ZBBX: variants seen among roughly 807,000 people sequenced by gnomAD.
ZBBX encodes zinc finger B-box domain containing.
A neutral mutation model predicts 108.5 loss-of-function variants in ZBBX; 101 were observed. The observed-to-expected ratio is 0.93, with a 90% CI of 0.79 to 1.10. The LOEUF (loss-of-function observed/expected upper bound fraction) is 1.10. Among genes scored for constraint, ZBBX ranks in the 50% least tolerant of loss-of-function variants. The pLI is 0.00. For synonymous variants in ZBBX, 356 were observed against 323.4 expected (o/e 1.10, Z -1.08); for missense variants, 1,009 against 941.4 (o/e 1.07, Z -0.94).
chr3:167,273,244 C>T (rs1726863046), intron 20 of ZBBX, among the ~76,000 whole-genome samples: 1 of 152,102 alleles, frequency 6.6e-6, no homozygotes. Context: ...GATGTAAACG[C>T]CTGGTTGGAA....
intron 16 of ZBBX, among the ~76,000 whole-genome samples, chr3:167,308,513 G>A (rs1734052859): frequency 6.6e-6 from 1 of 152,170 alleles, no homozygotes; most frequent in African/African-American, 2.4e-5. Flanking sequence ...GTATATGTAT[G>A]CTCAATGCAG....
At chr3:167,397,442 A>G (rs1748281797) in intron 1 of ZBBX, among the ~76,000 whole-genome samples, 1 of 151,826 alleles carries the variant, frequency 6.6e-6, no homozygotes, top group African/African-American at 2.4e-5. Flanking sequence ...TTTCTTTTTC[A>G]TGTCATGAAA....
the ZBBX span, among the ~76,000 whole-genome samples, chr3:167,218,226 A>C: frequency 1.3e-5 from 2 of 152,176 alleles, no homozygotes; most frequent in African/African-American, 2.4e-5. Context: ...TATCTATGTA[A>C]CAAACCTTCA....
chr3:167,213,368 G>A, the ZBBX span, among the ~76,000 whole-genome samples: 1 of 152,054 alleles, frequency 6.6e-6, no homozygotes, highest in African/African-American at 2.4e-5. Flanking sequence ...TGATAGAGAT[G>A]AATAACACAA....
At chr3:167,233,193 C>T in the ZBBX span, among the ~76,000 whole-genome samples, 1 of 151,822 alleles carries the variant, frequency 6.6e-6, no homozygotes. Flanking sequence ...CCATCCTTCT[C>T]TCTTCCCCTT....
chr3:167,357,025 A>C (rs1012690399), intron 8 of ZBBX, among the ~76,000 whole-genome samples: 3 of 152,184 alleles, frequency 2.0e-5, no homozygotes, highest in African/African-American at 4.8e-5. Context: ...TTAGACATCC[A>C]ATAAAGGTGT....
At chr3:167,330,953 C>CTCTCTCTT (rs1738483256) in intron 10 of ZBBX, among the ~76,000 whole-genome samples, 2 of 141,922 alleles carry the variant, frequency 1.4e-5, no homozygotes, top group Admixed American at 7.2e-5. Context: ...CTTTCTCTCT[C>CTCTCTCTT]TCTCTCTCTC....
At chr3:167,399,355 T>C (rs13079876) in intron 1 of ZBBX, 75,147 of 152,006 alleles carry the variant, frequency 0.49, 20,050 homozygotes, top group African/African-American at 0.71. Context: ...AATCCCAGTA[T>C]ATCTACAACT....
chr3:167,187,873 C>T, the ZBBX span, among the ~76,000 whole-genome samples: 12 of 152,246 alleles, frequency 7.9e-5, no homozygotes, highest in African/African-American at 2.9e-4. Flanking sequence ...ATTTCCTGAA[C>T]TGAATCACAC....
the ZBBX span, among the ~76,000 whole-genome samples, chr3:167,208,480 C>T: frequency 6.6e-6 from 1 of 152,200 alleles, no homozygotes; most frequent in Non-Finnish European, 1.5e-5. Context: ...AGCACAGCTA[C>T]TGTAGGATTG....
At chr3:167,350,624 A>G (rs1742473295) in intron 8 of ZBBX, 109 bp from the exon 9 acceptor site, 1 of 697,438 alleles carries the variant, frequency 1.4e-6, no homozygotes, top group East Asian at 3.1e-5. Flanking sequence ...CTCTAATTAA[A>G]TACCTATATC....
At chr3:167,182,985 A>G in the ZBBX span, among the ~76,000 whole-genome samples, 1 of 152,274 alleles carries the variant, frequency 6.6e-6, no homozygotes, top group Non-Finnish European at 1.5e-5. Flanking sequence ...TAGAATTGAG[A>G]GTGGTCGCTC....
chr3:167,354,280 A>G (rs1743162574), intron 8 of ZBBX, among the ~76,000 whole-genome samples: 1 of 151,920 alleles, frequency 6.6e-6, no homozygotes, highest in Non-Finnish European at 1.5e-5. Context: ...TTTCTACTGA[A>G]TACATACTGT....
chr3:167,299,513 T>C (rs1732270052), intron 17 of ZBBX, among the ~76,000 whole-genome samples: 1 of 152,108 alleles, frequency 6.6e-6, no homozygotes, highest in Non-Finnish European at 1.5e-5. Flanking sequence ...GGTTTACAGA[T>C]AAAAATCCTA....
intron 20 of ZBBX, among the ~76,000 whole-genome samples, chr3:167,279,901 T>G (rs1169724497): frequency 6.6e-6 from 1 of 151,936 alleles, no homozygotes; most frequent in Non-Finnish European, 1.5e-5. Context: ...AAAACAGAGA[T>G]ATATATCAAT....
intron 1 of ZBBX, among the ~76,000 whole-genome samples, chr3:167,389,379 T>G (rs1472884846): frequency 1.3e-5 from 2 of 152,178 alleles, no homozygotes; most frequent in Non-Finnish European, 2.9e-5. Flanking sequence ...AGTCTATCAC[T>G]GATGGGCATT....
intron 20 of ZBBX, among the ~76,000 whole-genome samples, chr3:167,254,325 G>A (rs774010547): frequency 1.8e-4 from 27 of 152,136 alleles, no homozygotes; most frequent in Non-Finnish European, 1.6e-4. Flanking sequence ...AACATAGCTA[G>A]TGAACCGGGT....
intron 20 of ZBBX, among the ~76,000 whole-genome samples, chr3:167,269,178 G>A (rs1230851747): frequency 6.6e-6 from 1 of 152,192 alleles, no homozygotes; most frequent in Non-Finnish European, 1.5e-5. Flanking sequence ...ACATTTAGAA[G>A]TGGGACCCAA....
intron 15 of ZBBX, 36 bp from the exon 16 acceptor site, chr3:167,314,152 G>GA (rs770292143): frequency 2.2e-4 from 326 of 1,499,400 alleles, no homozygotes; most frequent in Non-Finnish European, 2.8e-4. Context: ...TAATAGAGTT[G>GA]AAAAAATGAT....
Sources: gnomAD v4.1 joint callset for allele counts (sites outside exome capture counted in the v4.1 genomes callset) on GRCh38, gnomAD v4.1.1 for gene constraint, MANE v1.5 for transcripts, NCBI Gene and HGNC (gene_info 2026-07-23, HGNC 2026-07-21) for gene names.